The following CTNNA3 variants were observed in gnomAD, a reference collection of about 807,000 sequenced individuals.
CTNNA3 encodes catenin alpha 3.
In CTNNA3, 76 loss-of-function variants were observed where a neutral mutation model predicts 95.7. The observed-to-expected ratio is 0.79, with a 90% CI of 0.66 to 0.96. The LOEUF (loss-of-function observed/expected upper bound fraction) is 0.96, where lower values mean the gene tolerates loss of function less well. CTNNA3 is among the 40% of genes least tolerant of loss of function. The pLI is 0.00. For missense variants in CTNNA3, 1,191 were observed against 1,089.8 expected, an observed-to-expected ratio of 1.09 and a Z score of -1.31; for synonymous variants, 431 against 374.4, an observed-to-expected ratio of 1.15 and a Z score of -1.74.
intron 13 of CTNNA3, among the ~76,000 whole-genome samples, chr10:66,178,440 T>TATATATACATATATATATATAC (rs1231414006): frequency 1.9e-5 from 2 of 105,766 alleles, no homozygotes; most frequent in Non-Finnish European, 3.9e-5. Context: ...TATATATATA[T>TATATATACATATATATATATAC]ATACACACAC....
chr10:66,890,912 G>A (rs982757538), intron 7 of CTNNA3, among the ~76,000 whole-genome samples: 2 of 152,086 alleles, frequency 1.3e-5, no homozygotes, highest in Non-Finnish European at 2.9e-5. Context: ...AGAAGGAGCA[G>A]GGGCAGGATA....
At position 66,338,966 on chromosome 10, in the gene CTNNA3, G is replaced by T. The variant is rs912628662; in HGVS notation, c.1732+40186C>A. On this transcript the variant is annotated intron_variant, in intron 12 of 17. Coordinates refer to ENST00000433211, the MANE Select transcript of CTNNA3 (RefSeq NM_013266.4). ...ATACCTAAATTCTTTAAGAAAAATA[G>T]TGAAGTAAATCACTACATTCACATA... Among the ~76,000 whole-genome samples, 3 of 151,832 alleles carry T rather than the reference G, an allele frequency of 2.0e-5. 1 individual carries two copies. The highest frequency in any genetic ancestry group is 4.4e-5 in the Non-Finnish European group (3 of 67,806).
intron 5 of CTNNA3, among the ~76,000 whole-genome samples, chr10:67,449,973 A>G (rs1846906251): frequency 1.3e-5 from 2 of 152,218 alleles, no homozygotes; most frequent in African/African-American, 2.4e-5. Flanking sequence ...CCCCATTAAA[A>G]AGTGGACAAA....
chr10:67,251,227 A>G (rs1047534462), intron 5 of CTNNA3, among the ~76,000 whole-genome samples: 1 of 152,200 alleles, frequency 6.6e-6, no homozygotes, highest in African/African-American at 2.4e-5. Flanking sequence ...AAAGAAGCCA[A>G]TCACAAAAGG....
At chr10:66,577,638 G>T (rs1843048965) in intron 10 of CTNNA3, among the ~76,000 whole-genome samples, 1 of 152,078 alleles carries the variant, frequency 6.6e-6, no homozygotes, top group Middle Eastern at 3.4e-3. Flanking sequence ...GTGGTTGTAG[G>T]TTTGTGGCTT....
chr10:67,531,031 C>A (rs1408791741), intron 4 of CTNNA3, among the ~76,000 whole-genome samples: 2 of 152,222 alleles, frequency 1.3e-5, no homozygotes, highest in African/African-American at 4.8e-5. Flanking sequence ...GGTTTGGGAA[C>A]CTCTGCCTAG....
chr10:67,590,434 C>T (rs913326991), intron 3 of CTNNA3, among the ~76,000 whole-genome samples: 51 of 152,176 alleles, frequency 3.4e-4, no homozygotes, highest in African/African-American at 1.1e-3. Flanking sequence ...CATAGCCATG[C>T]ATATATGGAA....
intron 3 of CTNNA3, among the ~76,000 whole-genome samples, chr10:67,589,633 CT>C (rs1842734869): frequency 6.6e-6 from 1 of 151,940 alleles, no homozygotes; most frequent in Non-Finnish European, 1.5e-5. Flanking sequence ...TTTTCCTGTT[CT>C]TTTTATATTC....
intron 14 of CTNNA3, among the ~76,000 whole-genome samples, chr10:66,085,974 C>G (rs573232089): frequency 1.3e-5 from 2 of 152,238 alleles, no homozygotes; most frequent in East Asian, 3.9e-4. Flanking sequence ...TATCCTACAT[C>G]AGTAGCACTA....
At chr10:66,314,429 TGTGTGATTA>T in intron 12 of CTNNA3, among the ~76,000 whole-genome samples, 1 of 150,654 alleles carries the variant, frequency 6.6e-6, no homozygotes, top group African/African-American at 2.4e-5. Flanking sequence ...GGAAAACATC[TGTGTGATTA>T]TGCTCTCATT....
At chr10:66,595,635 C>A (rs1218285739) in intron 10 of CTNNA3, among the ~76,000 whole-genome samples, 1 of 151,964 alleles carries the variant, frequency 6.6e-6, no homozygotes, top group Non-Finnish European at 1.5e-5. Flanking sequence ...CCGCACCCAG[C>A]CTGTTGATTT....
intron 3 of CTNNA3, among the ~76,000 whole-genome samples, chr10:67,552,936 T>C (rs1008202823): frequency 2.0e-5 from 3 of 152,302 alleles, no homozygotes; most frequent in East Asian, 3.9e-4. Context: ...CAATACTATT[T>C]TGAGTGGATT....
intron 7 of CTNNA3, among the ~76,000 whole-genome samples, chr10:66,838,740 A>C (rs1215974584): frequency 6.6e-6 from 1 of 152,164 alleles, no homozygotes; most frequent in Non-Finnish European, 1.5e-5. Flanking sequence ...CCTACTTAAT[A>C]CATTTTTGTT....
At chr10:66,081,352 C>T (rs972330902) in intron 14 of CTNNA3, among the ~76,000 whole-genome samples, 2 of 152,088 alleles carry the variant, frequency 1.3e-5, no homozygotes, top group African/African-American at 4.8e-5. Flanking sequence ...TGGCTCATGG[C>T]TGTAATTCCA....
chr10:66,241,220 A>T (rs1268004292), intron 13 of CTNNA3, among the ~76,000 whole-genome samples: 30 of 152,202 alleles, frequency 2.0e-4, no homozygotes, highest in Non-Finnish European at 3.4e-4. Flanking sequence ...AAATTGAGTA[A>T]GGTCAATGAA....
chr10:67,494,446 T>C (rs1838960598), intron 5 of CTNNA3, among the ~76,000 whole-genome samples: 2 of 152,220 alleles, frequency 1.3e-5, no homozygotes, highest in African/African-American at 2.4e-5. Context: ...GTTTCTTTTG[T>C]AGGCCTGACC....
intron 7 of CTNNA3, among the ~76,000 whole-genome samples, chr10:67,119,417 C>A (rs1859354780): frequency 6.6e-6 from 1 of 151,822 alleles, no homozygotes; most frequent in African/African-American, 2.4e-5. Context: ...AACATACACA[C>A]AAAAACTCAT....
Position 67,622,493 on chromosome 10 carries a change from G to C in CTNNA3, c.100-15444C>G, listed in dbSNP as rs1843879962. ...AAGTGAAGAAAATCACAGTCTAATA[G>C]GACAAAAGGTTTAGGAAGCAAGCTG... On this transcript the variant is annotated intron_variant, in intron 2 of 17. Coordinates refer to ENST00000433211, the MANE Select transcript of CTNNA3 (RefSeq NM_013266.4). Among the ~76,000 whole-genome samples, 3 of 152,140 alleles carry C rather than the reference G, an allele frequency of 2.0e-5. No individual in the cohort carries two copies. In the South Asian group the frequency reaches 6.2e-4, roughly 32 times the overall value.
chr10:67,517,967 T>A (rs1839873214), intron 5 of CTNNA3, among the ~76,000 whole-genome samples: 1 of 152,136 alleles, frequency 6.6e-6, no homozygotes, highest in African/African-American at 2.4e-5. Flanking sequence ...AGAAAACATA[T>A]AATAGCTACC....
Sources: allele counts gnomAD v4.1 joint callset (sites outside exome capture counted in the v4.1 genomes callset), GRCh38; gene constraint gnomAD v4.1.1; transcripts MANE v1.5; gene names NCBI Gene and HGNC (gene_info 2026-07-23, HGNC 2026-07-21).